Variants in CTNND2 observed in about 807,000 individuals in gnomAD.
CTNND2 encodes catenin delta-2.
CTNND2 carries 22 observed loss-of-function variants against 144.4 expected under a neutral mutation model. The ratio of observed to expected loss-of-function variants is 0.15; its 90% CI spans 0.11 to 0.22. The LOEUF is 0.22. CTNND2 is among the 10% of genes least tolerant of loss of function. CTNND2 has a pLI of 1.00. For synonymous variants in CTNND2, 751 were observed against 695.6 expected (o/e 1.08, Z -1.25); for missense variants, 1,353 against 1,618.8 (o/e 0.84, Z 2.82).
At chr5:11,261,138 TG>T (rs1744819460) in intron 9 of CTNND2, among the ~76,000 whole-genome samples, 1 of 152,072 alleles carries the variant, frequency 6.6e-6, no homozygotes, top group Non-Finnish European at 1.5e-5. Context: ...AAGGACTTGG[TG>T]GGGGTTTCCT....
intron 3 of CTNND2, among the ~76,000 whole-genome samples, chr5:11,477,749 A>T (rs901818418): frequency 6.6e-6 from 1 of 152,106 alleles, no homozygotes; most frequent in African/African-American, 2.4e-5. Flanking sequence ...TACTCTTTCC[A>T]AATGTGTCCC....
chr5:11,067,218 G>A (rs543717177), intron 16 of CTNND2, among the ~76,000 whole-genome samples: 1 of 152,318 alleles, frequency 6.6e-6, no homozygotes, highest in South Asian at 2.1e-4. Context: ...GAGAGTATAA[G>A]CAGAGAATAG....
chr5:11,874,990 A>G (rs966838853), intron 1 of CTNND2, among the ~76,000 whole-genome samples: 6 of 152,158 alleles, frequency 3.9e-5, no homozygotes, highest in African/African-American at 1.4e-4. Flanking sequence ...AAAAAAATAC[A>G]TAAATAATCT....
intron 1 of CTNND2, among the ~76,000 whole-genome samples, chr5:11,817,626 T>C (rs1793061199): frequency 6.6e-6 from 1 of 151,946 alleles, no homozygotes; most frequent in Non-Finnish European, 1.5e-5. Flanking sequence ...CTGAATCGGA[T>C]GAGACTTAAG....
At chr5:11,083,507 T>C (rs1749815246) in intron 15 of CTNND2, among the ~76,000 whole-genome samples, 1 of 152,214 alleles carries the variant, frequency 6.6e-6, no homozygotes. Flanking sequence ...GAAATTTGTT[T>C]TGGGTTGGTG....
chr5:11,057,590 A>G (rs1746468883), intron 16 of CTNND2, among the ~76,000 whole-genome samples: 1 of 152,200 alleles, frequency 6.6e-6, no homozygotes, highest in South Asian at 2.1e-4. Context: ...AGTCTTGGGT[A>G]TGTCTTTATC....
At chr5:11,499,299 C>T (rs575439219) in intron 3 of CTNND2, among the ~76,000 whole-genome samples, 1 of 152,270 alleles carries the variant, frequency 6.6e-6, no homozygotes, top group African/African-American at 2.4e-5. Context: ...TGATCTTGTC[C>T]ACATTCTAGA....
intron 9 of CTNND2, among the ~76,000 whole-genome samples, chr5:11,328,890 C>A (rs756719413): frequency 3.3e-5 from 5 of 152,314 alleles, no homozygotes; most frequent in Non-Finnish European, 5.9e-5. Flanking sequence ...GTTTACTGGG[C>A]CTGCCCTGCA....
intron 2 of CTNND2, among the ~76,000 whole-genome samples, chr5:11,677,133 C>T (rs146593248): frequency 1.2e-3 from 187 of 152,268 alleles, no homozygotes; most frequent in African/African-American, 4.4e-3. Flanking sequence ...GCGTGTCAAC[C>T]AAGAGCAAAC....
intron 16 of CTNND2, among the ~76,000 whole-genome samples, chr5:11,057,820 C>A (rs1746499620): frequency 6.6e-6 from 1 of 152,102 alleles, no homozygotes; most frequent in Admixed American, 6.5e-5. Context: ...GTGATATGGA[C>A]AATAAAGTCC....
chr5:11,212,177 C>A (rs1561029046), intron 10 of CTNND2, among the ~76,000 whole-genome samples: 1 of 152,042 alleles, frequency 6.6e-6, no homozygotes, highest in Non-Finnish European at 1.5e-5. Context: ...AAAATAATTC[C>A]AGTTTTGTTC....
At chr5:11,857,422 G>A (rs1215618095) in intron 1 of CTNND2, among the ~76,000 whole-genome samples, 1 of 152,210 alleles carries the variant, frequency 6.6e-6, no homozygotes, top group Non-Finnish European at 1.5e-5. Context: ...ATGAGGGTGT[G>A]TCAGCAGGCC....
intron 3 of CTNND2, among the ~76,000 whole-genome samples, chr5:11,474,476 T>C (rs1016724800): frequency 3.9e-5 from 6 of 152,120 alleles, no homozygotes; most frequent in African/African-American, 9.7e-5. Context: ...TAATAGCTAA[T>C]TGGAGAAGAG....
intron 1 of CTNND2, among the ~76,000 whole-genome samples, chr5:11,807,511 C>A (rs1219667454): frequency 6.6e-6 from 1 of 152,256 alleles, no homozygotes; most frequent in East Asian, 1.9e-4. Context: ...GCTCCACACT[C>A]CCAATGTCAT....
At chr5:11,078,676 T>C (rs1453059421) in intron 16 of CTNND2, among the ~76,000 whole-genome samples, 1 of 152,202 alleles carries the variant, frequency 6.6e-6, no homozygotes, top group African/African-American at 2.4e-5. Flanking sequence ...ATCCAGGCAG[T>C]AGACTGATTA....
At chr5:11,888,661 T>C (rs985055851) in intron 1 of CTNND2, among the ~76,000 whole-genome samples, 1 of 152,160 alleles carries the variant, frequency 6.6e-6, no homozygotes, top group South Asian at 2.1e-4. Flanking sequence ...GGTTACCTGT[T>C]AGAAATTTCA....
intron 12 of CTNND2, among the ~76,000 whole-genome samples, chr5:11,155,889 G>C (rs746074662): frequency 6.6e-6 from 1 of 152,150 alleles, no homozygotes; most frequent in Non-Finnish European, 1.5e-5. Flanking sequence ...TTAAATTTTT[G>C]CTATGTCAAC....
intron 1 of CTNND2, among the ~76,000 whole-genome samples, chr5:11,844,946 G>C (rs1416629147): frequency 6.6e-6 from 1 of 152,064 alleles, no homozygotes; most frequent in Non-Finnish European, 1.5e-5. Flanking sequence ...ACTGGCGGAG[G>C]GGGGCAGGGG....
At chr5:11,851,182 C>G (rs1018993129) in intron 1 of CTNND2, among the ~76,000 whole-genome samples, 2 of 152,122 alleles carry the variant, frequency 1.3e-5, no homozygotes, top group Non-Finnish European at 2.9e-5. Context: ...CAGCTCACCC[C>G]ACAGGTTTTG....
Sources: allele counts gnomAD v4.1 joint callset (sites outside exome capture counted in the v4.1 genomes callset), GRCh38; gene constraint gnomAD v4.1.1; transcripts MANE v1.5; gene names NCBI Gene and HGNC (gene_info 2026-07-23, HGNC 2026-07-21).